The following MTMR6 variants were observed in gnomAD, a reference collection of about 807,000 sequenced individuals.
MTMR6 encodes the protein myotubularin related protein 6.
A neutral mutation model predicts 80.1 loss-of-function variants in MTMR6; 47 were observed. The ratio of observed to expected loss-of-function variants is 0.59; its 90% confidence interval spans 0.46 to 0.75. The LOEUF (loss-of-function observed/expected upper bound fraction) is 0.75, where lower values mean the gene tolerates loss of function less well. MTMR6 is among the 30% of genes least tolerant of loss of function. MTMR6 has a pLI of 0.00. For synonymous variants in MTMR6, 254 were observed against 253.0 expected, an observed-to-expected ratio of 1.00 and a Z score of -0.04; for missense variants, 629 against 730.9, an observed-to-expected ratio of 0.86 and a Z score of 1.61.
At chr13:25,257,551 C>G (rs2137536884) in intron 8 of MTMR6, among the ~76,000 whole-genome samples, 185 bp downstream of exon 8, 1 of 151,642 alleles carries the variant, frequency 6.6e-6, no homozygotes, top group Non-Finnish European at 1.5e-5. Flanking sequence ...TTAGGAGCAT[C>G]TTTTTAAGTT....
chr13:25,278,448 A>G (rs1957773054), intron 1 of MTMR6, among the ~76,000 whole-genome samples: 2 of 151,838 alleles, frequency 1.3e-5, no homozygotes, highest in Admixed American at 1.3e-4. Flanking sequence ...AAAAATTAGC[A>G]GCCGGGCGCA....
chr13:25,286,762 C>T (rs1269432761), intron 1 of MTMR6, among the ~76,000 whole-genome samples: 1 of 152,188 alleles, frequency 6.6e-6, no homozygotes, highest in African/African-American at 2.4e-5. Flanking sequence ...GAGTGCTGAT[C>T]TCGGTTCCTC....
intron 2 of MTMR6, among the ~76,000 whole-genome samples, chr13:25,269,482 T>C (rs1169269009): frequency 6.6e-6 from 1 of 152,116 alleles, no homozygotes; most frequent in East Asian, 1.9e-4. Flanking sequence ...TTAATAACAC[T>C]CCTATTAAAA....
At position 25,254,406 on chromosome 13, in the gene MTMR6, A is replaced by G. The variant is rs1031846467; in HGVS notation, c.1124T>C (p.Phe375Ser). Reference sequence around the variant, plus strand: ...TCACCTCTCTGAAAATTTATGTCCAAAAGAGATCCAATCCTTTTCTATTAA... The same window carrying G: ...TCACCTCTCTGAAAATTTATGTCCAGAAGAGATCCAATCCTTTTCTATTAA... Reference protein sequence around the residue: ...MVLIEKDWISFGHKFSERCGQ... With the variant: ...MVLIEKDWISSGHKFSERCGQ... Residue 375 changes from phenylalanine to serine, a missense_variant, in exon 10 of 14, where the codon TTT (phenylalanine) becomes TCT (serine). Phe to Ser is a radical substitution (Grantham distance 155). Coordinates refer to ENST00000381801, the MANE Select transcript of MTMR6 (RefSeq NM_004685.5). 6.4e-7 allele frequency: 1 copy of G among 1,571,624 alleles called. No individual in the cohort carries two copies. Among genetic ancestry groups the G allele is most frequent in the South Asian group, 1.1e-5 (1 of 88,330 alleles).
At chr13:25,270,240 A>G (rs1593152543) in intron 2 of MTMR6, among the ~76,000 whole-genome samples, 1 of 152,216 alleles carries the variant, frequency 6.6e-6, no homozygotes, top group Non-Finnish European at 1.5e-5. Flanking sequence ...ACCTGGTCCT[A>G]CCACTAACTA....
intron 1 of MTMR6, among the ~76,000 whole-genome samples, chr13:25,275,737 TATAATCCTAGCTACTCGG>T (rs1313768434): frequency 6.6e-6 from 1 of 151,048 alleles, no homozygotes; most frequent in African/African-American, 2.4e-5. Flanking sequence ...GGCGGGCGCC[TATAATCCTAGCTACTCGG>T]GAGGCTGAGG....
intron 3 of MTMR6, among the ~76,000 whole-genome samples, chr13:25,267,153 C>T (rs1359166489): frequency 6.7e-6 from 1 of 149,046 alleles, no homozygotes; most frequent in Admixed American, 6.9e-5. Context: ...GAAGCTGAGG[C>T]AGGGAACTGC....
chr13:25,282,159 C>T (rs1957865231), intron 1 of MTMR6, among the ~76,000 whole-genome samples: 2 of 152,050 alleles, frequency 1.3e-5, no homozygotes, highest in Admixed American at 1.3e-4. Context: ...TGTTGGGACT[C>T]TCCCCGCCAT....
At chr13:25,263,366 A>T (rs1957380759) in intron 5 of MTMR6, among the ~76,000 whole-genome samples, 1 of 152,228 alleles carries the variant, frequency 6.6e-6, no homozygotes, top group South Asian at 2.1e-4. Context: ...GACAAAGTTT[A>T]TTCCATGATA....
At chr13:25,280,437 C>T (rs1957820332) in intron 1 of MTMR6, among the ~76,000 whole-genome samples, 1 of 152,180 alleles carries the variant, frequency 6.6e-6, no homozygotes, top group African/African-American at 2.4e-5. Context: ...TTATTTTGCT[C>T]TTTGTGGCAA....
chr13:25,255,606 C>T lies in MTMR6; in HGVS notation c.1096-1172G>A, dbSNP rs1029441534. Among the ~76,000 whole-genome samples, 19 of 152,142 alleles carry T rather than the reference C, an allele frequency of 1.2e-4. 1 individual carries two copies. The highest frequency in any genetic ancestry group is 3.6e-4 in the African/African-American group (15 of 41,432). On this transcript the variant is annotated intron_variant, in intron 9 of 13. Transcript: ENST00000381801. ...TGGCGCAATCTTGGCTCACTGCAAC[C>T]TCCGCCTCCTGGGTTCAAGTAATTC...
Position 25,253,932 on chromosome 13 carries a change from A to G in MTMR6, c.1178T>C (p.Val393Ala). 1 of 1,614,158 alleles carries G rather than the reference A, an allele frequency of 6.2e-7. No individual in the cohort carries two copies. The highest frequency in any genetic ancestry group is 8.5e-7 in the Non-Finnish European group (1 of 1,180,022). ...CAAGAACTGAGTAAACACTGGTGAG[A>G]CTTCCTTTGGGTCACCATCCAACTG... ...CGQLDGDPKE[V>A]SPVFTQFLEC... The change falls in exon 11 of 14, where the codon GTC becomes GCC. Residue 393 changes from valine (V) to alanine (A), a missense_variant. Physicochemically the swap from Val to Ala is moderately conservative, Grantham distance 64. Transcript: ENST00000381801.
chr13:25,256,990 C>T (rs2137534918), intron 9 of MTMR6, among the ~76,000 whole-genome samples: 1 of 152,270 alleles, frequency 6.6e-6, no homozygotes, highest in East Asian at 1.9e-4. Flanking sequence ...CAGGCCAGAT[C>T]AGTCTTTGCT....
At chr13:25,274,961 T>TACACACACACACACACACACAAACAC (rs1957681129) in intron 1 of MTMR6, among the ~76,000 whole-genome samples, 1 of 104,988 alleles carries the variant, frequency 9.5e-6, no homozygotes, top group Non-Finnish European at 1.9e-5. Context: ...CACACACACA[T>TACACACACACACACACACACAAACAC]ACACACACAC....
chr13:25,267,982 C>A, intron 2 of MTMR6, 41 bp from the exon 3 acceptor site: 1 of 1,529,518 alleles, frequency 6.5e-7, no homozygotes, highest in Non-Finnish European at 8.8e-7. Flanking sequence ...ACATGGAAAG[C>A]ACTAAATATT....
chr13:25,274,191 A>G lies in MTMR6; in HGVS notation c.25-4T>C. On this transcript the variant is annotated splice_polypyrimidine_tract_variant and splice_region_variant and intron_variant, in intron 1 of 13. Transcript: ENST00000381801. ...CAAGTAATTTTACTTGTTCGACCTAAAAGAAAAAAAGATATTATTTCTCAT... is the reference window on the plus strand; with the variant it reads ...CAAGTAATTTTACTTGTTCGACCTAGAAGAAAAAAAGATATTATTTCTCAT... 1 of 1,545,512 alleles carries G rather than the reference A, an allele frequency of 6.5e-7. No homozygotes were observed. Among genetic ancestry groups the G allele is most frequent in the African/African-American group, 1.4e-5 (1 of 72,896 alleles).
intron 1 of MTMR6, among the ~76,000 whole-genome samples, chr13:25,284,149 G>C (rs1004484215): frequency 6.6e-6 from 1 of 152,082 alleles, no homozygotes; most frequent in Non-Finnish European, 1.5e-5. Flanking sequence ...AGAGGTTTGG[G>C]GGGGAAGCTC....
chr13:25,257,986 A>G (rs1051376775), intron 7 of MTMR6, 141 bp from the exon 8 acceptor site: 51 of 513,104 alleles, frequency 9.9e-5, no homozygotes, highest in African/African-American at 9.6e-4. Context: ...GATGCTATTA[A>G]AAGCTCAATA....
chr13:25,287,112 C>A, intron 1 of MTMR6, 112 bp downstream of exon 1: 1 of 1,468,744 alleles, frequency 6.8e-7, no homozygotes, highest in Admixed American at 2.0e-5. Context: ...CGGGCCGGGT[C>A]TCCGCCGGGC....
Sources: gnomAD v4.1 joint callset for allele counts (sites outside exome capture counted in the v4.1 genomes callset) on GRCh38, gnomAD v4.1.1 for gene constraint, MANE v1.5 for transcripts, NCBI Gene and HGNC (gene_info 2026-07-23, HGNC 2026-07-21) for gene names.